ZMYND8: variants seen among roughly 807,000 people sequenced by gnomAD.
The protein encoded by ZMYND8 is MYND-type zinc finger-containing chromatin reader ZMYND8.
ZMYND8 carries 37 observed loss-of-function variants against 140.8 expected under a neutral mutation model. That is an observed-to-expected ratio of 0.26 (90% CI 0.20 to 0.35). ZMYND8 has a LOEUF of 0.35. Ranked by LOEUF, ZMYND8 falls within the 10% of genes least tolerant of loss-of-function variation. ZMYND8 has a pLI of 1.00. For synonymous variants in ZMYND8, 592 were observed against 597.1 expected (o/e 0.99, Z 0.12); for missense variants, 1,068 against 1,570.0 (o/e 0.68, Z 5.40).
intron 10 of ZMYND8, among the ~76,000 whole-genome samples, chr20:47,277,928 C>G (rs1028961642): frequency 5.3e-5 from 8 of 152,072 alleles, no homozygotes; most frequent in African/African-American, 1.9e-4. Context: ...ACCTCAGCCT[C>G]CCAAAGTGCT....
chr20:47,330,208 T>C (rs1251327868), intron 2 of ZMYND8, among the ~76,000 whole-genome samples: 1 of 152,016 alleles, frequency 6.6e-6, no homozygotes, highest in East Asian at 1.9e-4. Flanking sequence ...GTGCAGTCTG[T>C]CCAGGAAAGA....
At chr20:47,264,221 T>C (rs912407363) in intron 11 of ZMYND8, among the ~76,000 whole-genome samples, 36 of 152,328 alleles carry the variant, frequency 2.4e-4, no homozygotes, top group African/African-American at 8.2e-4. Context: ...TCTATGTCAA[T>C]TGGCGCCGAG....
intron 2 of ZMYND8, among the ~76,000 whole-genome samples, chr20:47,343,978 T>C (rs938641077): frequency 6.0e-5 from 9 of 149,396 alleles, no homozygotes; most frequent in Admixed American, 2.0e-4. Flanking sequence ...TTTTTTTTTT[T>C]CTTTTTGAGA....
chr20:47,290,080 G>A lies in ZMYND8; in HGVS notation c.748+107C>T, dbSNP rs148056610. On this transcript the variant is annotated intron_variant, in intron 7 of 22. Coordinates refer to ENST00000471951, the MANE Select transcript of ZMYND8 (RefSeq NM_001281775.3). ...TCACATATATTAGCACAATCTATACGCAAGTATTCTCAATATGAATTAAGA... is the reference window on the plus strand; with the variant it reads ...TCACATATATTAGCACAATCTATACACAAGTATTCTCAATATGAATTAAGA... 1.2e-3 allele frequency: 1,220 copies of A among 1,056,124 alleles called. 11 individuals carry two copies. In the African/African-American group the frequency reaches 0.018, roughly 15 times the overall value. 65.4% of individuals were successfully genotyped at this position (1,056,124 alleles called of 1,614,324 possible). A position where few individuals can be genotyped will look rare whatever the true frequency, so the allele number is the denominator to read the frequency against.
intron 11 of ZMYND8, among the ~76,000 whole-genome samples, chr20:47,265,347 GAACA>G (rs1477755805): frequency 1.3e-5 from 2 of 152,098 alleles, no homozygotes; most frequent in Non-Finnish European, 2.9e-5. Flanking sequence ...AGGGTAGCAG[GAACA>G]AACAAACAAA....
chr20:47,228,463 G>GT lies in ZMYND8; in HGVS notation c.2938-1183dup, dbSNP rs1230640166. Reference sequence around the variant, plus strand: ...ATTCTGGCATACATCCAGACCCCAGGTTTCAGGTGAGATATTATGAACCTG... The same window carrying GT: ...ATTCTGGCATACATCCAGACCCCAGGTTTTCAGGTGAGATATTATGAACCTG... On this transcript the variant is annotated intron_variant, in intron 17 of 22. Coordinates refer to ENST00000471951, the MANE Select transcript of ZMYND8 (RefSeq NM_001281775.3). 4.0e-3 allele frequency among the ~76,000 whole-genome samples: 604 copies of GT among 152,242 alleles called. 13 individuals are homozygous for GT. In the East Asian group the frequency reaches 0.079, roughly 20 times the overall value.
rs2039598156 is a variant in ZMYND8 at position 47,238,927 on chromosome 20, C to T, written c.2496G>A (p.Pro832=). Residue 832 remains proline (P), a synonymous_variant, in exon 15 of 23, where the codon CCG becomes CCA. Coordinates refer to ENST00000471951, the MANE Select transcript of ZMYND8 (RefSeq NM_001281775.3). The stretch of plus-strand genomic sequence containing the variant: ...AGTTCCACACGACCCGCTGCACGGC[C>T]GGGGCAGTCTCCTTCGGTAAAAGCG... ...QRPLLPKETA[P]AVQRVVWNSS... is the part of the protein sequence containing the mutation. 3 of 1,614,138 alleles carry T rather than the reference C, an allele frequency of 1.9e-6. No homozygotes were observed. The highest frequency in any genetic ancestry group is 2.5e-6 in the Non-Finnish European group (3 of 1,180,026).
Position 47,210,809 on chromosome 20 carries a change from C to T in ZMYND8, c.3657G>A (p.Thr1219=), listed in dbSNP as rs763701310. The T allele has an allele frequency of 5.6e-6, 9 of 1,614,134 alleles. No individual in the cohort carries two copies. Among genetic ancestry groups the T allele is most frequent in the South Asian group, 1.1e-5 (1 of 91,080 alleles). The stretch of plus-strand genomic sequence containing the variant: ...GAGACTCTTTCGGGAGGAGGCTCTT[C>T]GTGCTGGTACTGGTGTTGTGATCGG... The part of the protein sequence containing the change: ...TRSDHNTSTS[T]KSLLPKESRL... Residue 1219 remains threonine, a synonymous_variant, in exon 23 of 23, where the codon ACG becomes ACA. Transcript: ENST00000471951.
intron 2 of ZMYND8, among the ~76,000 whole-genome samples, chr20:47,333,695 T>C (rs2868831): frequency 0.9 from 127,306 of 140,832 alleles, 57,679 homozygotes; most frequent in East Asian, 1. Flanking sequence ...CACTGCACTC[T>C]AGCCTGGTGA....
At chr20:47,341,126 A>T (rs1414072878) in intron 2 of ZMYND8, among the ~76,000 whole-genome samples, 1 of 152,238 alleles carries the variant, frequency 6.6e-6, no homozygotes, top group Admixed American at 6.5e-5. Flanking sequence ...TCCATGTGGT[A>T]ATGCGAAAAG....
At chr20:47,226,969 A>G (rs549072973) in intron 18 of ZMYND8, among the ~76,000 whole-genome samples, 39 of 152,102 alleles carry the variant, frequency 2.6e-4, no homozygotes, top group African/African-American at 8.9e-4. Flanking sequence ...ACCAATCCTC[A>G]TTATTTTATT....
chr20:47,282,019 C>A, intron 10 of ZMYND8, 83 bp downstream of exon 10: 1 of 1,089,396 alleles, frequency 9.2e-7, no homozygotes, highest in Non-Finnish European at 1.3e-6. Context: ...ATAATAGCTG[C>A]AGCCTCCACT....
At chr20:47,253,247 T>C (rs2074328888) in intron 12 of ZMYND8, among the ~76,000 whole-genome samples, 1 of 152,150 alleles carries the variant, frequency 6.6e-6, no homozygotes, top group Non-Finnish European at 1.5e-5. Flanking sequence ...TTTACAAACT[T>C]GCCAGGAGGT....
intron 11 of ZMYND8, among the ~76,000 whole-genome samples, chr20:47,263,640 CTG>C (rs2075306560): frequency 6.6e-6 from 1 of 152,220 alleles, no homozygotes; most frequent in African/African-American, 2.4e-5. Flanking sequence ...AAGCCAGACA[CTG>C]TGGATTCAAG....
intron 11 of ZMYND8, among the ~76,000 whole-genome samples, chr20:47,262,735 G>C (rs1319000582): frequency 2.0e-5 from 3 of 152,144 alleles, no homozygotes; most frequent in Non-Finnish European, 2.9e-5. Flanking sequence ...CCCATTCACG[G>C]ATATAAATCT....
intron 11 of ZMYND8, among the ~76,000 whole-genome samples, chr20:47,265,169 CT>C (rs1456245917): frequency 1.3e-5 from 2 of 151,838 alleles, no homozygotes; most frequent in Non-Finnish European, 2.9e-5. Flanking sequence ...CAATTTGCAG[CT>C]GCTCAAATAT....
Position 47,329,217 on chromosome 20 carries a change from A to G in ZMYND8, c.85+18639T>C, listed in dbSNP as rs544372619. ...ACCTACAGCATTCAGCACAGCATGC[A>G]CAACAAATCCATTAATCTACTAAGG... is the stretch of plus-strand genomic sequence containing the variant. On this transcript the variant is annotated intron_variant, in intron 2 of 22. Transcript: ENST00000471951. Among the ~76,000 whole-genome samples, 8 of 152,318 alleles carry G rather than the reference A, an allele frequency of 5.3e-5. No homozygotes were observed. The East Asian group carries it at 1.5e-3, about 29-fold the overall frequency.
intron 11 of ZMYND8, among the ~76,000 whole-genome samples, 179 bp downstream of exon 11, chr20:47,276,135 C>A (rs1337568232): frequency 1.3e-5 from 2 of 152,160 alleles, no homozygotes; most frequent in East Asian, 1.9e-4. Flanking sequence ...ACACTTTTCT[C>A]ATTTCTGGGT....
Position 47,210,889 on chromosome 20 carries a change from G to A in ZMYND8, c.3577C>T (p.Arg1193Trp), listed in dbSNP as rs764968371. 7.4e-6 allele frequency: 12 copies of A among 1,613,798 alleles called. No homozygotes were observed. The highest frequency in any genetic ancestry group is 2.2e-5 in the East Asian group (1 of 44,864). Residue 1193 changes from arginine (R) to tryptophan (W), a missense_variant, in exon 23 of 23, where the codon CGG becomes TGG. Physicochemically the swap from Arg to Trp is moderately radical, Grantham distance 101. Coordinates refer to ENST00000471951, the MANE Select transcript of ZMYND8 (RefSeq NM_001281775.3). ...CTGCTCCAACTGGATTTATTACTCC[G>A]GGAATGGTCTGAGGGGGAAAACCAA... ...PNYPAQKYHSRSNKSSWSSSD... is the reference protein window; with the variant it reads ...PNYPAQKYHSWSNKSSWSSSD...
Sources: gnomAD v4.1 joint callset for allele counts (sites outside exome capture counted in the v4.1 genomes callset) on GRCh38, gnomAD v4.1.1 for gene constraint, MANE v1.5 for transcripts, NCBI Gene and HGNC (gene_info 2026-07-23, HGNC 2026-07-21) for gene names.